Variants in SLC4A4 observed in about 807,000 individuals in gnomAD.
SLC4A4 encodes the protein electrogenic sodium bicarbonate cotransporter 1.
In SLC4A4, 27 loss-of-function variants were observed where a neutral mutation model predicts 111.5. The ratio of observed to expected loss-of-function variants is 0.24; its 90% CI spans 0.18 to 0.33. The LOEUF is 0.33. Ranked by LOEUF, SLC4A4 falls within the 10% of genes least tolerant of loss-of-function variation. The pLI is 1.00. For missense variants in SLC4A4, 909 were observed against 1,315.5 expected, an observed-to-expected ratio of 0.69 and a Z score of 4.78; for synonymous variants, 443 against 463.4, an observed-to-expected ratio of 0.96 and a Z score of 0.57.
intron 2 of SLC4A4, among the ~76,000 whole-genome samples, chr4:71,137,038 G>T (rs1317161655): frequency 6.6e-6 from 1 of 152,106 alleles, no homozygotes; most frequent in Non-Finnish European, 1.5e-5. Flanking sequence ...GAACTTTTGA[G>T]AATATAATAT....
intron 6 of SLC4A4, among the ~76,000 whole-genome samples, chr4:71,370,834 T>C (rs1731804162): frequency 6.6e-6 from 1 of 152,172 alleles, no homozygotes; most frequent in Non-Finnish European, 1.5e-5. Flanking sequence ...TTGACCAAAG[T>C]GTTCAGTTTG....
intron 3 of SLC4A4, chr4:71,339,147 A>G: frequency 6.2e-7 from 1 of 1,612,472 alleles, no homozygotes; most frequent in Non-Finnish European, 8.5e-7. Context: ...CCTTCTGGAG[A>G]GTGGTGGAGA....
At chr4:71,487,201 C>CT (rs908709339) in intron 15 of SLC4A4, among the ~76,000 whole-genome samples, 183 bp downstream of exon 15, 6 of 149,906 alleles carry the variant, frequency 4.0e-5, no homozygotes, top group African/African-American at 7.3e-5. Flanking sequence ...CTAGTCAGCA[C>CT]TTTTTTTTTA....
chr4:71,532,097 G>T lies in SLC4A4; in HGVS notation c.2202G>T (p.Leu734Phe). The change falls in exon 17 of 26, where the codon TTG becomes TTT. Residue 734 changes from leucine (L) to phenylalanine (F), a missense_variant. Leu to Phe is a conservative substitution (Grantham distance 22). Coordinates refer to ENST00000264485, the MANE Select transcript of SLC4A4 (RefSeq NM_001098484.3). ...TGATCAGTGATTTTGCCATTATCTT[G>T]TCCATTCTCATCTTTTGTGTAATAG... ...RKLISDFAII[L>F]SILIFCVIDA... The T allele has an allele frequency of 6.2e-7, 1 of 1,612,892 alleles. No individual in the cohort carries two copies. Among genetic ancestry groups the T allele is most frequent in the Non-Finnish European group, 8.5e-7 (1 of 1,179,312 alleles).
chr4:71,107,449 G>A (rs1417538250), intron 2 of SLC4A4, among the ~76,000 whole-genome samples: 1 of 151,732 alleles, frequency 6.6e-6, no homozygotes, highest in East Asian at 1.9e-4. Context: ...CAGGTTCAAG[G>A]GATTCTCCTG....
At position 71,293,700 on chromosome 4, in the gene SLC4A4, A is replaced by G. The variant is rs145992768; in HGVS notation, c.253+38301A>G. Among the ~76,000 whole-genome samples the G allele has an allele frequency of 3.6e-3, 550 of 152,338 alleles. 3 individuals are homozygous for G. The highest frequency in any genetic ancestry group is 0.012 in the African/African-American group (485 of 41,576). On this transcript the variant is annotated intron_variant, in intron 3 of 25. Transcript: ENST00000264485. The stretch of plus-strand genomic sequence containing the variant: ...AGTTGGTAGACTGATGGTATCACAT[A>G]AAAAGTCCTGCAAGGTCAATTCAGT...
intron 18 of SLC4A4, among the ~76,000 whole-genome samples, chr4:71,535,767 G>A (rs1479441381): frequency 6.6e-6 from 1 of 152,038 alleles, no homozygotes; most frequent in African/African-American, 2.4e-5. Context: ...AGGGCAGAAT[G>A]AAGAATAACT....
rs897835806 is a variant in SLC4A4, at chr4:71,532,279, C to T, written c.2280+104C>T. On this transcript the variant is annotated intron_variant, in intron 17 of 25. Transcript: ENST00000264485. ...CTTTGAGTTAGTTTTGTACAATTAT[C>T]CATATTTTTTTTCCAAAATCAGTCC... The T allele has an allele frequency of 1.3e-5, 10 of 788,670 alleles. No individual in the cohort carries two copies. The East Asian group carries it at 2.4e-4, about 19-fold the overall frequency. The allele number at this position is 788,670 out of a possible 1,614,324, so 48.9% of individuals were successfully genotyped here. A position where few individuals can be genotyped will look rare whatever the true frequency, so the allele number is the denominator to read the frequency against.
intron 2 of SLC4A4, among the ~76,000 whole-genome samples, chr4:71,114,558 T>A (rs1743195072): frequency 6.6e-6 from 1 of 150,580 alleles, no homozygotes; most frequent in Non-Finnish European, 1.5e-5. Flanking sequence ...AAGAAGACAT[T>A]TATGCAGTCA....
At chr4:71,345,443 G>C (rs1386788793) in intron 4 of SLC4A4, among the ~76,000 whole-genome samples, 1 of 152,072 alleles carries the variant, frequency 6.6e-6, no homozygotes, top group Non-Finnish European at 1.5e-5. Context: ...ATGAATGTTT[G>C]TTAAAGATAA....
chr4:71,231,839 TAGAA>T (rs769178910), intron 1 of SLC4A4, among the ~76,000 whole-genome samples: 10 of 152,208 alleles, frequency 6.6e-5, no homozygotes, highest in Non-Finnish European at 1.3e-4. Context: ...TTCCTATTGA[TAGAA>T]GGAGGAACTA....
At chr4:71,496,481 G>T (rs1355865714) in intron 15 of SLC4A4, among the ~76,000 whole-genome samples, 1 of 152,042 alleles carries the variant, frequency 6.6e-6, no homozygotes, top group African/African-American at 2.4e-5. Flanking sequence ...CTCTCACCTG[G>T]AGACGAAGAG....
chr4:71,446,375 G>T (rs1725231076), intron 8 of SLC4A4, among the ~76,000 whole-genome samples: 1 of 152,072 alleles, frequency 6.6e-6, no homozygotes, highest in Admixed American at 6.6e-5. Context: ...CTTGTCCCTG[G>T]CTAAGCATCC....
chr4:71,314,443 T>C (rs1340707714), intron 3 of SLC4A4, among the ~76,000 whole-genome samples: 2 of 152,168 alleles, frequency 1.3e-5, no homozygotes, highest in African/African-American at 4.8e-5. Flanking sequence ...TTATAAAACA[T>C]TGTACTATAA....
At chr4:71,514,918 T>C (rs1020107594) in intron 16 of SLC4A4, among the ~76,000 whole-genome samples, 1 of 152,118 alleles carries the variant, frequency 6.6e-6, no homozygotes, top group African/African-American at 2.4e-5. Flanking sequence ...ATTGGCTGTG[T>C]ATATTTTTTG....
chr4:71,248,563 C>A (rs913772264), intron 2 of SLC4A4, among the ~76,000 whole-genome samples: 3 of 152,140 alleles, frequency 2.0e-5, no homozygotes, highest in African/African-American at 7.2e-5. Context: ...TCAGGAACTG[C>A]AGTTTACATA....
intron 1 of SLC4A4, among the ~76,000 whole-genome samples, chr4:71,089,426 T>G (rs1291172894): frequency 6.6e-6 from 1 of 152,134 alleles, no homozygotes; most frequent in African/African-American, 2.4e-5. Context: ...CCAGCTTTGT[T>G]CCATTGCTGG....
At chr4:71,377,553 A>G (rs541972931) in intron 6 of SLC4A4, among the ~76,000 whole-genome samples, 124 of 152,252 alleles carry the variant, frequency 8.1e-4, no homozygotes, top group Non-Finnish European at 1.6e-3. Flanking sequence ...AGATTTTGCT[A>G]TAGTGTGAGC....
chr4:71,197,707 C>T (rs892340454), intron 1 of SLC4A4, among the ~76,000 whole-genome samples: 3 of 152,088 alleles, frequency 2.0e-5, no homozygotes, highest in South Asian at 2.1e-4. Context: ...CACATGTACC[C>T]TAGAACTTAA....
Sources: gnomAD v4.1 joint callset for allele counts (sites outside exome capture counted in the v4.1 genomes callset) on GRCh38, gnomAD v4.1.1 for gene constraint, MANE v1.5 for transcripts, NCBI Gene and HGNC (gene_info 2026-07-23, HGNC 2026-07-21) for gene names.